Variants in KLF5 observed in about 807,000 individuals in gnomAD.
KLF5 encodes Krueppel-like factor 5.
A neutral mutation model predicts 36.9 loss-of-function variants in KLF5; 9 were observed. That is an observed-to-expected ratio of 0.24 (90% CI 0.15 to 0.43). The LOEUF (loss-of-function observed/expected upper bound fraction) is 0.43. KLF5 is among the 20% of genes least tolerant of loss of function. KLF5 has a pLI of 1.00. For missense variants in KLF5, 524 were observed against 599.5 expected (o/e 0.87, Z 1.31); for synonymous variants, 246 against 241.7 (o/e 1.02, Z -0.17).
In KLF5 at chr13:73,062,077, C is replaced by G. The variant is rs1325992351; in HGVS notation, c.478C>G (p.His160Asp). ...CAAATCCCAGAGACCGTGCGTAACA[C>G]ACATCAAGACAGAACCTGTTGCCAT... ...LYKSQRPCVTHIKTEPVAIFS... is the reference protein window; with the variant it reads ...LYKSQRPCVTDIKTEPVAIFS... The change falls in exon 2 of 4, where the codon CAC (histidine) becomes GAC (aspartate). Residue 160 changes from histidine (H) to aspartate (D), a missense_variant. His to Asp is a moderately conservative substitution (Grantham distance 81). Around this residue, in one of 4 missense-constraint regions of KLF5, gnomAD observed 454 missense variants for 458.1 expected, o/e 0.99. Transcript: ENST00000377687. The G allele has an allele frequency of 6.2e-7, 1 of 1,614,026 alleles. No individual in the cohort carries two copies. Among genetic ancestry groups the G allele is most frequent in the African/African-American group, 1.3e-5 (1 of 74,910 alleles).
chr13:73,061,961 A>G lies in KLF5; in HGVS notation c.362A>G (p.Asp121Gly). The G allele has an allele frequency of 6.2e-7, 1 of 1,614,136 alleles. No individual in the cohort carries two copies. Residue 121 changes from aspartate (D) to glycine (G), a missense_variant, in exon 2 of 4, where the codon GAC (aspartate) becomes GGC (glycine). By Grantham distance (94) the Asp-to-Gly change is moderately conservative. Transcript: ENST00000377687. ...AGACGAGACAGTGCCTCAGTCGTAG[A>G]CCAGTTCTTCACTGACACTGAAGGG... ...KYRRDSASVV[D>G]QFFTDTEGLP...
Position 73,076,716 on chromosome 13 carries a change from C to G in KLF5, c.*830C>G, listed in dbSNP as rs2044764002. On this transcript the variant is annotated 3_prime_UTR_variant, in exon 4 of 4. Transcript: ENST00000377687. Reference sequence around the variant, plus strand: ...AAACTGAAGAGCTTAAAGATAGTTACAAAATACAAAAGTTCAACCTCTTAC... The same window carrying G: ...AAACTGAAGAGCTTAAAGATAGTTAGAAAATACAAAAGTTCAACCTCTTAC... The G allele has an allele frequency of 6.6e-6, 1 of 152,110 alleles. No homozygotes were observed. Among genetic ancestry groups the G allele is most frequent in the East Asian group, 1.9e-4 (1 of 5,192 alleles). The allele number at this position is 152,110 out of a possible 1,614,324, so 9.4% of individuals were successfully genotyped here.
At position 73,059,464 on chromosome 13, in the gene KLF5, T is replaced by G. The variant is rs1406422863; in HGVS notation, c.137T>G (p.Phe46Cys). ...AATCCGGCCCGCGACGCGGCGCTCT[T>G]CCCCGGCGAGGAGCTGAAGCACGCG... is the stretch of plus-strand genomic sequence containing the variant. ...AANPARDAAL[F>C]PGEELKHAHH... Residue 46 changes from phenylalanine (F) to cysteine (C), a missense_variant, in exon 1 of 4, where the codon TTC (phenylalanine) becomes TGC (cysteine). By Grantham distance (205) the Phe-to-Cys change is radical (BLOSUM62 -2). Coordinates refer to ENST00000377687, the MANE Select transcript of KLF5 (RefSeq NM_001730.5). The G allele has an allele frequency of 4.7e-6, 6 of 1,275,720 alleles. No homozygotes were observed. Among genetic ancestry groups the G allele is most frequent in the Non-Finnish European group, 5.9e-6 (6 of 1,011,716 alleles). 79.0% of individuals were successfully genotyped at this position (1,275,720 alleles called of 1,614,324 possible).
chr13:73,070,956 C>A (rs1417551440), intron 3 of KLF5, among the ~76,000 whole-genome samples: 1 of 152,198 alleles, frequency 6.6e-6, no homozygotes, highest in Non-Finnish European at 1.5e-5. Flanking sequence ...CTGACAGCCT[C>A]ACAAGAACCT....
intron 3 of KLF5, among the ~76,000 whole-genome samples, chr13:73,067,159 A>T (rs1204663442): frequency 1.3e-5 from 2 of 152,192 alleles, no homozygotes; most frequent in Non-Finnish European, 2.9e-5. Flanking sequence ...TGAAATTTGT[A>T]TGCCTCATGA....
intron 3 of KLF5, among the ~76,000 whole-genome samples, chr13:73,068,887 G>A (rs997414372): frequency 3.9e-5 from 6 of 151,976 alleles, no homozygotes; most frequent in Non-Finnish European, 8.8e-5. Flanking sequence ...CCTGAGTTCA[G>A]GGGTTCGAGA....
chr13:73,059,781 GGGGGCCGGGGGT>G, intron 1 of KLF5, 193 bp downstream of exon 1: 1 of 734,408 alleles, frequency 1.4e-6, no homozygotes, highest in Non-Finnish European at 1.7e-6. Context: ...AAATGGGGGG[GGGGGCCGGGGGT>G]GGGAAGGATG....
chr13:73,068,001 C>T (rs1181712651), intron 3 of KLF5, among the ~76,000 whole-genome samples: 4 of 151,742 alleles, frequency 2.6e-5, no homozygotes, highest in African/African-American at 7.3e-5. Flanking sequence ...CCACCACGCC[C>T]GGCTAATTTT....
rs1594400499 is a variant in KLF5 at position 73,076,048 on chromosome 13, T to C, written c.*162T>C. The C allele has an allele frequency of 6.9e-6, 4 of 577,734 alleles. No individual in the cohort carries two copies. The East Asian group carries it at 1.2e-4, about 17-fold the overall frequency. 35.8% of individuals were successfully genotyped at this position (577,734 alleles called of 1,614,324 possible). On this transcript the variant is annotated 3_prime_UTR_variant, in exon 4 of 4. Transcript: ENST00000377687. The stretch of plus-strand genomic sequence containing the variant: ...TTGAGAAAACAGGGAATACATTGTA[T>C]TAATACCAAAGTGTTTGGTCATTTT...
intron 3 of KLF5, among the ~76,000 whole-genome samples, chr13:73,067,265 A>G (rs534981057): frequency 4.6e-5 from 7 of 152,358 alleles, no homozygotes. Flanking sequence ...TAAACTGTCT[A>G]TTGCAACCAG....
In KLF5 at chr13:73,076,981, T is replaced by TA. The variant is rs1457701602; in HGVS notation, c.*1097dup. ...TATCTAAATTACAGTGCAGTTTAGTTAATCTATTAATACTGACTCAGTGTC... is the reference window on the plus strand; with the variant it reads ...TATCTAAATTACAGTGCAGTTTAGTTAAATCTATTAATACTGACTCAGTGTC... On this transcript the variant is annotated 3_prime_UTR_variant, in exon 4 of 4. Transcript: ENST00000377687. 6.6e-6 allele frequency: 1 copy of TA among 152,560 alleles called. No individual in the cohort carries two copies. The highest frequency in any genetic ancestry group is 2.1e-4 in the South Asian group (1 of 4,832). 9.5% of individuals were successfully genotyped at this position (152,560 alleles called of 1,614,324 possible).
chr13:73,059,285 A>G lies in KLF5; in HGVS notation c.-43A>G. On this transcript the variant is annotated 5_prime_UTR_variant, in exon 1 of 4. Coordinates refer to ENST00000377687, the MANE Select transcript of KLF5 (RefSeq NM_001730.5). ...CCCAAGCCAGCGTGGGCGAGGTGGGAAGTGCGCCCGACCCGCGCCTGGAGC... is the reference window on the plus strand; with the variant it reads ...CCCAAGCCAGCGTGGGCGAGGTGGGGAGTGCGCCCGACCCGCGCCTGGAGC... 1 of 1,326,680 alleles carries G rather than the reference A, an allele frequency of 7.5e-7. No homozygotes were observed. The highest frequency in any genetic ancestry group is 9.6e-7 in the Non-Finnish European group (1 of 1,039,088). The allele number at this position is 1,326,680 out of a possible 1,614,324, so 82.2% of individuals were successfully genotyped here. A position where few individuals can be genotyped will look rare whatever the true frequency, so the allele number is the denominator to read the frequency against.
At chr13:73,060,819 G>A (rs1009078512) in intron 1 of KLF5, among the ~76,000 whole-genome samples, 1 of 152,134 alleles carries the variant, frequency 6.6e-6, no homozygotes, top group Non-Finnish European at 1.5e-5. Context: ...GTAGGCTTAA[G>A]TTATACTAGG....
chr13:73,075,978 AG>A lies in KLF5; in HGVS notation c.*93del. 3.7e-6 allele frequency: 4 copies of A among 1,075,304 alleles called. No homozygotes were observed. Among genetic ancestry groups the A allele is most frequent in the Middle Eastern group, 2.8e-4 (1 of 3,610 alleles). 66.6% of individuals were successfully genotyped at this position (1,075,304 alleles called of 1,614,324 possible). A position where few individuals can be genotyped will look rare whatever the true frequency, so the allele number is the denominator to read the frequency against. On this transcript the variant is annotated 3_prime_UTR_variant, in exon 4 of 4. Transcript: ENST00000377687. ...TGTAAAAACAACAAAAACAAACAAA[AG>A]CAAGAAAACCACAACTAAAACTGGA...
intron 3 of KLF5, among the ~76,000 whole-genome samples, chr13:73,073,117 T>G (rs1284818674): frequency 6.6e-6 from 1 of 152,236 alleles, no homozygotes; most frequent in Non-Finnish European, 1.5e-5. Context: ...TGTTGAAATA[T>G]AACTTAAAGG....
chr13:73,068,631 G>A (rs1471762546), intron 3 of KLF5, among the ~76,000 whole-genome samples: 4 of 149,250 alleles, frequency 2.7e-5, no homozygotes, highest in African/African-American at 7.4e-5. Flanking sequence ...TTGAACCCAC[G>A]AGGCGGAGGT....
intron 2 of KLF5, 119 bp from the exon 3 acceptor site, chr13:73,063,705 A>G: frequency 2.9e-6 from 2 of 685,458 alleles, no homozygotes; most frequent in South Asian, 3.8e-5. Context: ...TGAAGCTTCA[A>G]ATAATCTCAT....
upstream of KLF5, chr13:73,055,301 T>C (rs1265778510): frequency 6.6e-6 from 1 of 152,180 alleles, no homozygotes; most frequent in Non-Finnish European, 1.5e-5. Flanking sequence ...AACTGAAATA[T>C]AAAATGTAAT....
intron 3 of KLF5, among the ~76,000 whole-genome samples, chr13:73,069,251 A>G (rs1046975890): frequency 6.6e-6 from 1 of 152,210 alleles, no homozygotes; most frequent in African/African-American, 2.4e-5. Flanking sequence ...CTTTTTAGGA[A>G]AACTGTATAC....
Sources: gnomAD v4.1 joint callset for allele counts (sites outside exome capture counted in the v4.1 genomes callset) on GRCh38, gnomAD v4.1.1 for gene constraint, gnomAD v4.1.1 regional missense constraint, MANE v1.5 for transcripts, NCBI Gene and HGNC (gene_info 2026-07-23, HGNC 2026-07-21) for gene names.